The following INSL6 variants were observed in gnomAD, a reference collection of about 807,000 sequenced individuals.
INSL6 encodes the protein insulin like 6.
Under a neutral mutation model 9.4 loss-of-function variants are expected in INSL6, and 16 were observed. The observed-to-expected ratio is 1.70, with a 90% CI of 1.15 to 2.59. INSL6 has a LOEUF of 2.59. Among genes scored for constraint, INSL6 ranks in the 30% most tolerant of loss-of-function variants. The probability of loss-of-function intolerance (pLI) is 0.00; values close to 1 mark genes in which losing one functional copy is unlikely to be tolerated. For missense variants in INSL6, 391 were observed against 257.3 expected, an observed-to-expected ratio of 1.52 and a Z score of -3.56; for synonymous variants, 154 against 96.9, an observed-to-expected ratio of 1.59 and a Z score of -3.46.
At chr9:5,177,658 A>C (rs1825341706) in intron 1 of INSL6, among the ~76,000 whole-genome samples, 1 of 152,136 alleles carries the variant, frequency 6.6e-6, no homozygotes, top group Non-Finnish European at 1.5e-5. Flanking sequence ...ACAAATTAAG[A>C]CCTGATTTGG....
Position 5,163,880 on chromosome 9 carries a change from G to C in INSL6, c.*33C>G, listed in dbSNP as rs753600547. 27 of 1,326,266 alleles carry C rather than the reference G, an allele frequency of 2.0e-5. 1 individual carries two copies. The Admixed American group carries it at 4.8e-4, about 23-fold the overall frequency. The allele number at this position is 1,326,266 out of a possible 1,614,324, so 82.2% of individuals were successfully genotyped here. On this transcript the variant is annotated 3_prime_UTR_variant, in exon 2 of 2. Coordinates refer to ENST00000381641, the MANE Select transcript of INSL6 (RefSeq NM_007179.3). Reference sequence around the variant, plus strand: ...AAATAGAGTTAAATAAATGTATTAAGCTTTTATTAGGTTAGAAAAAATTCT... The same window carrying C: ...AAATAGAGTTAAATAAATGTATTAACCTTTTATTAGGTTAGAAAAAATTCT...
the INSL6 span, among the ~76,000 whole-genome samples, chr9:4,993,661 C>T: frequency 4.6e-5 from 7 of 152,204 alleles, no homozygotes; most frequent in African/African-American, 1.7e-4. Flanking sequence ...CTGACAGTCT[C>T]CTTGAGGGCT....
At chr9:5,043,773 A>C in the INSL6 span, among the ~76,000 whole-genome samples, 1 of 152,254 alleles carries the variant, frequency 6.6e-6, no homozygotes, top group African/African-American at 2.4e-5. Flanking sequence ...CAATAAAAGG[A>C]AATGAAGTAA....
the INSL6 span, among the ~76,000 whole-genome samples, chr9:5,028,077 A>T: frequency 2.0e-5 from 3 of 152,122 alleles, no homozygotes; most frequent in African/African-American, 7.2e-5. Flanking sequence ...TTTTTTATTT[A>T]CTTTGCTTAG....
chr9:5,093,493 G>A, the INSL6 span, among the ~76,000 whole-genome samples: 1 of 152,154 alleles, frequency 6.6e-6, no homozygotes, highest in Non-Finnish European at 1.5e-5. Flanking sequence ...TGACCTATTG[G>A]TGAAGAGGAG....
the INSL6 span, among the ~76,000 whole-genome samples, chr9:5,023,464 C>T: frequency 6.6e-6 from 1 of 152,164 alleles, no homozygotes; most frequent in East Asian, 1.9e-4. Flanking sequence ...TGTGAACTTC[C>T]TCACTGGAAT....
At chr9:5,120,300 G>T (rs556934116), downstream of INSL6, among the ~76,000 whole-genome samples, 1 of 152,302 alleles carries the variant, frequency 6.6e-6, no homozygotes, top group Admixed American at 6.5e-5. Flanking sequence ...ATCTCTTAAA[G>T]GCCCCACCTG....
chr9:5,130,627 A>G (rs912415440), intron 3 of INSL6, among the ~76,000 whole-genome samples: 4 of 152,214 alleles, frequency 2.6e-5, no homozygotes, highest in Admixed American at 2.0e-4. Flanking sequence ...AGTACATGGT[A>G]TTTAATAATA....
At chr9:5,026,462 T>C in the INSL6 span, among the ~76,000 whole-genome samples, 1 of 152,250 alleles carries the variant, frequency 6.6e-6, no homozygotes, top group African/African-American at 2.4e-5. Context: ...AAATTAAGAA[T>C]TTAAGTCTTT....
the INSL6 span, among the ~76,000 whole-genome samples, chr9:5,040,015 AACAAT>A: frequency 6.6e-6 from 1 of 152,228 alleles, no homozygotes; most frequent in African/African-American, 2.4e-5. Flanking sequence ...ACAATCTTGA[AACAAT>A]ACAAAGTTTG....
At chr9:5,159,913 G>A (rs548255324), downstream of INSL6, among the ~76,000 whole-genome samples, 9 of 152,282 alleles carry the variant, frequency 5.9e-5, no homozygotes, top group East Asian at 3.9e-4. Context: ...GGCTCACGCC[G>A]CCTGTAATCC....
chr9:5,023,794 G>T, the INSL6 span, among the ~76,000 whole-genome samples: 36,289 of 151,988 alleles, frequency 0.24, 4,768 homozygotes, highest in South Asian at 0.32. Flanking sequence ...GAGACCTCTG[G>T]TCAGTTATCT....
downstream of INSL6, among the ~76,000 whole-genome samples, chr9:5,121,773 T>TC: frequency 6.6e-6 from 1 of 152,296 alleles, no homozygotes; most frequent in East Asian, 1.9e-4. Context: ...TTAATTTTGT[T>TC]CTTTTTAAAT....
the INSL6 span, chr9:5,112,639 G>A: frequency 1.0e-5 from 10 of 1,002,776 alleles, no homozygotes; most frequent in South Asian, 1.5e-4. Flanking sequence ...ACAGCGAGAA[G>A]CCCCAGACCA....
the INSL6 span, among the ~76,000 whole-genome samples, chr9:5,070,831 C>G: frequency 0.25 from 37,976 of 151,866 alleles, 4,887 homozygotes; most frequent in South Asian, 0.3. Flanking sequence ...GGTTGATGAT[C>G]AGCCACATTT....
chr9:5,052,488 T>C, the INSL6 span, among the ~76,000 whole-genome samples: 2 of 152,138 alleles, frequency 1.3e-5, no homozygotes, highest in Non-Finnish European at 2.9e-5. Context: ...AAAGAGTTTA[T>C]TGAGATAATT....
At chr9:5,085,891 G>T in the INSL6 span, 1 of 838,410 alleles carries the variant, frequency 1.2e-6, no homozygotes, top group Non-Finnish European at 2.1e-6. Context: ...GATATGAGCG[G>T]TTCCTTTCTA....
the INSL6 span, among the ~76,000 whole-genome samples, chr9:5,093,750 T>C: frequency 1.3e-5 from 2 of 152,142 alleles, no homozygotes; most frequent in Non-Finnish European, 2.9e-5. Context: ...AGTGCAATCC[T>C]ATTCTATCAT....
At chr9:5,082,710 G>C in the INSL6 span, among the ~76,000 whole-genome samples, 1 of 152,338 alleles carries the variant, frequency 6.6e-6, no homozygotes, top group East Asian at 1.9e-4. Context: ...GCGGCTTTCC[G>C]CAGTGCATTG....
Sources: allele counts gnomAD v4.1 joint callset (sites outside exome capture counted in the v4.1 genomes callset), GRCh38; gene constraint gnomAD v4.1.1; transcripts MANE v1.5; gene names NCBI Gene and HGNC (gene_info 2026-07-23, HGNC 2026-07-21).